Variants in FRMD4A observed in about 807,000 individuals in gnomAD.
FRMD4A encodes FERM domain containing 4A, also known as FERM domain-containing protein 4A.
In FRMD4A, 29 loss-of-function variants were observed where a neutral mutation model predicts 129.1. The ratio of observed to expected loss-of-function variants is 0.22; its 90% CI spans 0.17 to 0.31. FRMD4A has a LOEUF of 0.31. FRMD4A is among the 10% of genes least tolerant of loss of function. The pLI, the probability that FRMD4A is intolerant of heterozygous loss-of-function variation, is 1.00. For missense variants in FRMD4A, 1,272 were observed against 1,375.8 expected (o/e 0.92, Z 1.19); for synonymous variants, 634 against 571.6 (o/e 1.11, Z -1.56).
chr10:13,856,480 A>C (rs984627999), intron 3 of FRMD4A, among the ~76,000 whole-genome samples: 6 of 152,144 alleles, frequency 3.9e-5, no homozygotes, highest in African/African-American at 1.4e-4. Flanking sequence ...TAACAAGTAC[A>C]CAACCAATCA....
chr10:13,652,314 G>T, intron 23 of FRMD4A: 1 of 349,576 alleles, frequency 2.9e-6, no homozygotes, highest in South Asian at 3.1e-5. Flanking sequence ...CAGGTTTCAA[G>T]ACCATCTTAA....
At chr10:13,797,016 G>A (rs942643845) in intron 4 of FRMD4A, among the ~76,000 whole-genome samples, 15 of 152,060 alleles carry the variant, frequency 9.9e-5, no homozygotes, top group Non-Finnish European at 1.9e-4. Context: ...CACTGTGCCC[G>A]GCCACCTTCA....
At chr10:14,315,547 T>C (rs1161401989) in intron 2 of FRMD4A, among the ~76,000 whole-genome samples, 1 of 152,202 alleles carries the variant, frequency 6.6e-6, no homozygotes, top group Non-Finnish European at 1.5e-5. Context: ...GGCAGAGTGA[T>C]CCAGTCAAAA....
intron 12 of FRMD4A, among the ~76,000 whole-genome samples, chr10:13,713,800 TATATATA>T (rs2088295586): frequency 7.7e-6 from 1 of 130,020 alleles, no homozygotes; most frequent in Non-Finnish European, 1.6e-5. Context: ...ATATATGTAA[TATATATA>T]CACATATATA....
At chr10:14,077,915 G>C (rs1396397738) in intron 2 of FRMD4A, among the ~76,000 whole-genome samples, 1 of 152,162 alleles carries the variant, frequency 6.6e-6, no homozygotes, top group African/African-American at 2.4e-5. Flanking sequence ...GCAAGCATGT[G>C]CTCATGTGGA....
intron 2 of FRMD4A, among the ~76,000 whole-genome samples, chr10:14,317,451 G>C (rs997215635): frequency 6.6e-6 from 1 of 152,146 alleles, no homozygotes; most frequent in East Asian, 1.9e-4. Context: ...CGGTGTTCCT[G>C]TGCTTTATAG....
intron 2 of FRMD4A, among the ~76,000 whole-genome samples, chr10:14,187,772 A>T (rs987136760): frequency 3.9e-5 from 6 of 152,120 alleles, no homozygotes; most frequent in Non-Finnish European, 7.4e-5. Flanking sequence ...ACTTGGTAAA[A>T]TATTTATTTT....
intron 12 of FRMD4A, among the ~76,000 whole-genome samples, chr10:13,733,674 G>C (rs923883189): frequency 6.6e-6 from 1 of 152,200 alleles, no homozygotes; most frequent in African/African-American, 2.4e-5. Context: ...TGATCTGTCC[G>C]CCTCGGCCTC....
intron 2 of FRMD4A, among the ~76,000 whole-genome samples, chr10:14,134,465 AC>A (rs1209822958): frequency 6.6e-6 from 1 of 150,884 alleles, no homozygotes; most frequent in African/African-American, 2.4e-5. Context: ...GGAGATAAGC[AC>A]ATGAATGGAT....
At chr10:13,706,845 C>A (rs1336757027) in intron 13 of FRMD4A, among the ~76,000 whole-genome samples, 192 bp downstream of exon 13, 1 of 151,360 alleles carries the variant, frequency 6.6e-6, no homozygotes, top group Non-Finnish European at 1.5e-5. Context: ...ACGTGCGAAC[C>A]CACTGCATTT....
chr10:14,023,572 A>G (rs1330222255), intron 2 of FRMD4A, among the ~76,000 whole-genome samples: 1 of 152,154 alleles, frequency 6.6e-6, no homozygotes, highest in African/African-American at 2.4e-5. Context: ...CCACCTGTGT[A>G]TTTCACAGTC....
At position 13,671,191 on chromosome 10, in the gene FRMD4A, T is replaced by C. The variant is rs145336884; in HGVS notation, c.1252-663A>G. On this transcript the variant is annotated intron_variant, in intron 16 of 24. Coordinates refer to ENST00000357447, the MANE Select transcript of FRMD4A (RefSeq NM_018027.5). ...TAGAATGGCTGGGCACGGTGGCTCATGTCTGTAATCCCAGCACTTTGGGAA... is the reference window on the plus strand; with the variant it reads ...TAGAATGGCTGGGCACGGTGGCTCACGTCTGTAATCCCAGCACTTTGGGAA... Among the ~76,000 whole-genome samples, 80 of 152,324 alleles carry C rather than the reference T, an allele frequency of 5.3e-4. No homozygotes were observed. The East Asian group carries it at 0.015, about 28-fold the overall frequency.
At chr10:13,781,404 G>A (rs1480805266) in intron 6 of FRMD4A, among the ~76,000 whole-genome samples, 3 of 96,770 alleles carry the variant, frequency 3.1e-5, no homozygotes, top group Non-Finnish European at 5.8e-5. Flanking sequence ...CTGAGACAGA[G>A]TTTTGCTCTG....
At chr10:13,857,474 G>A (rs908880449) in intron 3 of FRMD4A, among the ~76,000 whole-genome samples, 2 of 152,142 alleles carry the variant, frequency 1.3e-5, no homozygotes, top group African/African-American at 4.8e-5. Context: ...TTGAATTAGT[G>A]TCATGTGCTT....
intron 3 of FRMD4A, among the ~76,000 whole-genome samples, chr10:13,848,605 TGTAC>T (rs1564905840): frequency 9.8e-6 from 1 of 101,782 alleles, no homozygotes. Context: ...AGTGTGTGTG[TGTAC>T]GTGTGTGTGT....
chr10:13,923,174 C>CTCTG lies in FRMD4A; in HGVS notation c.46-64266_46-64263dup, dbSNP rs751669530. ...TTCCAGGGCAATGTTATTCAAAAATCTCTGTCTCTTTGTTTGAATCTTAGA... is the reference window on the plus strand; with the variant it reads ...TTCCAGGGCAATGTTATTCAAAAATCTCTGTCTGTCTCTTTGTTTGAATCTTAGA... On this transcript the variant is annotated intron_variant, in intron 2 of 24. Transcript: ENST00000357447. Among the ~76,000 whole-genome samples, 658 of 152,300 alleles carry CTCTG rather than the reference C, an allele frequency of 4.3e-3. 6 individuals are homozygous for CTCTG. Among genetic ancestry groups the CTCTG allele is most frequent in the Non-Finnish European group, 7.7e-3 (523 of 68,034 alleles).
chr10:13,729,683 C>A (rs570801508), intron 12 of FRMD4A, among the ~76,000 whole-genome samples: 31 of 152,144 alleles, frequency 2.0e-4, no homozygotes, highest in Non-Finnish European at 3.4e-4. Flanking sequence ...GGGGGGCAGG[C>A]CGTTTACTCT....
chr10:14,046,775 C>T lies in FRMD4A; in HGVS notation c.46-187863G>A, dbSNP rs562543776. 7.4e-4 allele frequency among the ~76,000 whole-genome samples: 112 copies of T among 152,288 alleles called. 1 individual carries two copies. Among genetic ancestry groups the T allele is most frequent in the African/African-American group, 2.5e-3 (102 of 41,552 alleles). On this transcript the variant is annotated intron_variant, in intron 2 of 24. Coordinates refer to ENST00000357447, the MANE Select transcript of FRMD4A (RefSeq NM_018027.5). The stretch of plus-strand genomic sequence containing the variant: ...CTGCCTGGCTTTGCCCTGGAGCAGC[C>T]TGAAGACTGGGTAAGGAAATGGTTT...
intron 12 of FRMD4A, among the ~76,000 whole-genome samples, chr10:13,730,330 G>A (rs780621742): frequency 2.0e-5 from 3 of 152,176 alleles, no homozygotes; most frequent in Non-Finnish European, 4.4e-5. Context: ...TCAACAGATA[G>A]CATTTAATTT....
Sources: allele counts gnomAD v4.1 joint callset (sites outside exome capture counted in the v4.1 genomes callset), GRCh38; gene constraint gnomAD v4.1.1; transcripts MANE v1.5; gene names NCBI Gene and HGNC (gene_info 2026-07-23, HGNC 2026-07-21).